ELL2: variants seen among roughly 807,000 people sequenced by gnomAD.
ELL2 encodes RNA polymerase II elongation factor ELL2.
Under a neutral mutation model 72.8 loss-of-function variants are expected in ELL2, and 21 were observed. That is an observed-to-expected ratio of 0.29 (90% CI 0.20 to 0.42). ELL2 has a LOEUF of 0.42. Among genes scored for constraint, ELL2 ranks in the 10% least tolerant of loss-of-function variants. The probability of loss-of-function intolerance (pLI) is 1.00; values close to 1 mark genes in which losing one functional copy is unlikely to be tolerated. For synonymous variants in ELL2, 266 were observed against 283.2 expected, an observed-to-expected ratio of 0.94 and a Z score of 0.61; for missense variants, 568 against 772.8, an observed-to-expected ratio of 0.73 and a Z score of 3.14.
rs367971146 is a variant in ELL2, at chr5:95,952,034, C to T, written c.148-8985G>A. Among the ~76,000 whole-genome samples, 12 of 151,862 alleles carry T rather than the reference C, an allele frequency of 7.9e-5. No individual in the cohort carries two copies. The South Asian group carries it at 1.0e-3, about 13-fold the overall frequency. On this transcript the variant is annotated intron_variant, in intron 1 of 11. Transcript: ENST00000237853. ...AATCACGAGTTATTTTTAGAAACAGCGAAGATATGGAATCAACCTAAATGC... is the reference window on the plus strand; with the variant it reads ...AATCACGAGTTATTTTTAGAAACAGTGAAGATATGGAATCAACCTAAATGC...
At chr5:95,942,717 T>C (rs1751013803) in intron 2 of ELL2, among the ~76,000 whole-genome samples, 1 of 152,214 alleles carries the variant, frequency 6.6e-6, no homozygotes. Flanking sequence ...ACATAATACC[T>C]TGATGTACGT....
rs764047720 is a variant in ELL2, at chr5:95,919,447, G to A, written c.294C>T (p.Asp98=). 42 of 1,591,804 alleles carry A rather than the reference G, an allele frequency of 2.6e-5. No individual in the cohort carries two copies. The East Asian group carries it at 9.0e-4, about 34-fold the overall frequency. Reference sequence around the variant, plus strand: ...ACCTGGAGAATGTTTGCTGGATGCAGTCAAAGCTGCCCTGAGGGTTGTCTT... The same window carrying A: ...ACCTGGAGAATGTTTGCTGGATGCAATCAAAGCTGCCCTGAGGGTTGTCTT... ...VGKDNPQGSF[D]CIQQTFSSSG... Residue 98 remains aspartate, a synonymous_variant, in exon 3 of 12, where the codon GAC becomes GAT. Transcript: ENST00000237853.
At chr5:95,920,277 A>ATATT (rs70978197) in intron 2 of ELL2, among the ~76,000 whole-genome samples, 53,859 of 135,078 alleles carry the variant, frequency 0.4, 11,500 homozygotes, top group Non-Finnish European at 0.47. Flanking sequence ...TAAATTTTTA[A>ATATT]TATTTATTTA....
intron 7 of ELL2, among the ~76,000 whole-genome samples, chr5:95,899,241 G>A (rs1022537141): frequency 1.3e-5 from 2 of 152,162 alleles, no homozygotes; most frequent in Admixed American, 1.3e-4. Context: ...AATGAGAAGA[G>A]AAAGCAATTT....
At chr5:95,905,472 A>AAC (rs1177043469) in intron 5 of ELL2, among the ~76,000 whole-genome samples, 1 of 148,674 alleles carries the variant, frequency 6.7e-6, no homozygotes, top group Non-Finnish European at 1.5e-5. Flanking sequence ...TATCAAACTG[A>AAC]ACACACACAC....
At chr5:95,944,605 T>C (rs1380540042) in intron 1 of ELL2, among the ~76,000 whole-genome samples, 3 of 152,246 alleles carry the variant, frequency 2.0e-5, no homozygotes, top group African/African-American at 7.2e-5. Context: ...CTAAACTCAC[T>C]CTTCCTGAAG....
chr5:95,916,106 T>C (rs1002440123), intron 3 of ELL2, among the ~76,000 whole-genome samples: 1 of 151,478 alleles, frequency 6.6e-6, no homozygotes, highest in Admixed American at 6.6e-5. Context: ...AGTGAGAGTG[T>C]AGAATAGTAC....
At chr5:95,927,785 A>G (rs1323151298) in intron 2 of ELL2, among the ~76,000 whole-genome samples, 4 of 105,086 alleles carry the variant, frequency 3.8e-5, no homozygotes, top group Admixed American at 8.4e-5. Flanking sequence ...ATATGTGTGT[A>G]TATAGACATA....
intron 9 of ELL2, among the ~76,000 whole-genome samples, chr5:95,891,562 G>C (rs1297572111): frequency 6.6e-6 from 1 of 152,240 alleles, no homozygotes; most frequent in Non-Finnish European, 1.5e-5. Context: ...CACAGATCTA[G>C]TTTCCTGAAC....
In ELL2 at chr5:95,908,135, CTT is replaced by C. The variant is rs1004958873; in HGVS notation, c.482-1355_482-1354del. Among the ~76,000 whole-genome samples the C allele has an allele frequency of 3.9e-5, 6 of 152,166 alleles. No individual in the cohort carries two copies. In the South Asian group the frequency reaches 1.0e-3, roughly 26 times the overall value. ...GGACACTGCCTAATGATAACAAAAA[CTT>C]AAGTTATAATTAGAGTTTCAGAGAT... On this transcript the variant is annotated intron_variant, in intron 4 of 11. Transcript: ENST00000237853.
intron 1 of ELL2, among the ~76,000 whole-genome samples, chr5:95,955,504 GA>G (rs1428663077): frequency 6.6e-6 from 1 of 152,036 alleles, no homozygotes; most frequent in African/African-American, 2.4e-5. Flanking sequence ...TACTGCCACA[GA>G]AAAAAATAGG....
chr5:95,893,290 T>G (rs1180819081), intron 9 of ELL2, among the ~76,000 whole-genome samples: 2 of 152,196 alleles, frequency 1.3e-5, no homozygotes, highest in Non-Finnish European at 2.9e-5. Flanking sequence ...TTTTAAACAG[T>G]TTTGATAGCT....
rs1207118482 is a variant in ELL2, at chr5:95,910,601, T to C, written c.481+3170A>G. Among the ~76,000 whole-genome samples the C allele has an allele frequency of 3.9e-5, 6 of 152,154 alleles. No homozygotes were observed. The East Asian group carries it at 5.8e-4, about 15-fold the overall frequency. Reference sequence around the variant, plus strand: ...TGGTTTCTTCTGCCCACGAGAGGGTTGCAGAAACTCATATTCCTGGGCAAT... The same window carrying C: ...TGGTTTCTTCTGCCCACGAGAGGGTCGCAGAAACTCATATTCCTGGGCAAT... On this transcript the variant is annotated intron_variant, in intron 4 of 11. Transcript: ENST00000237853.
intron 1 of ELL2, among the ~76,000 whole-genome samples, chr5:95,954,809 C>T (rs1294436432): frequency 6.6e-6 from 1 of 151,974 alleles, no homozygotes; most frequent in Non-Finnish European, 1.5e-5. Flanking sequence ...GGGTGGACTC[C>T]AGTTATCTCT....
chr5:95,940,690 G>A (rs1378201019), intron 2 of ELL2, among the ~76,000 whole-genome samples: 1 of 152,116 alleles, frequency 6.6e-6, no homozygotes, highest in East Asian at 1.9e-4. Context: ...AGTATCCTTT[G>A]TGGAAAATTT....
rs1467157485 is a variant in ELL2 at position 95,961,682 on chromosome 5, G to A, written c.40C>T (p.Arg14Cys). The A allele has an allele frequency of 6.2e-7, 1 of 1,605,960 alleles. No individual in the cohort carries two copies. Among genetic ancestry groups the A allele is most frequent in the East Asian group, 2.3e-5 (1 of 43,794 alleles). ...GGTGGLREEQ[R>C]YGLSCGRLGQ... The stretch of plus-strand genomic sequence containing the variant: ...AGCCGTCCGCACGACAGCCCATAGC[G>A]CTGCTCCTCCCGCAGGCCCCCTGTC... The change falls in exon 1 of 12, where the codon CGC becomes TGC. Residue 14 changes from arginine (R) to cysteine (C), a missense_variant. This residue lies in a region of ELL2 where 57 missense variants were observed against 44.4 expected (regional missense o/e 1.28). Coordinates refer to ENST00000237853, the MANE Select transcript of ELL2 (RefSeq NM_012081.6).
chr5:95,889,275 G>A, intron 10 of ELL2, 145 bp from the exon 11 acceptor site: 1 of 688,064 alleles, frequency 1.5e-6, no homozygotes, highest in East Asian at 2.7e-5. Flanking sequence ...AGGCAATGTG[G>A]CAACAGCTAT....
At chr5:95,903,208 CTTTTTTTT>C (rs35628427) in intron 5 of ELL2, among the ~76,000 whole-genome samples, 1 of 56,168 alleles carries the variant, frequency 1.8e-5, no homozygotes, top group Admixed American at 2.6e-4. Flanking sequence ...CTCTTAGGAC[CTTTTTTTT>C]TTTTTTTTTT....
intron 4 of ELL2, among the ~76,000 whole-genome samples, chr5:95,907,297 T>TATATA (rs1554075688): frequency 5.1e-4 from 41 of 79,966 alleles, no homozygotes; most frequent in South Asian, 3.1e-3. Context: ...TATATATATA[T>TATATA]TTTTTTTTTT....
Sources: allele counts gnomAD v4.1 joint callset (sites outside exome capture counted in the v4.1 genomes callset), GRCh38; gene constraint gnomAD v4.1.1; regional missense constraint gnomAD v4.1.1; transcripts MANE v1.5; gene names NCBI Gene and HGNC (gene_info 2026-07-23, HGNC 2026-07-21).